The following MYO15B variants were observed in gnomAD, a reference collection of about 807,000 sequenced individuals.
The protein encoded by MYO15B is myosin XVB pseudogene.
Under a neutral mutation model 119.3 loss-of-function variants are expected in MYO15B, and 207 were observed. The ratio of observed to expected loss-of-function variants is 1.73; its 90% confidence interval spans 1.55 to 1.95. MYO15B has a LOEUF of 1.95. Ranked by LOEUF, MYO15B falls within the 30% of genes most tolerant of loss-of-function variation. The pLI is 0.00. For missense variants in MYO15B, 2,264 were observed against 1,203.1 expected (o/e 1.88, Z -13.04); for synonymous variants, 966 against 498.9 (o/e 1.94, Z -12.48).
intron 29 of MYO15B, 24 bp downstream of exon 29, chr17:75,613,801 C>T (rs1340699151): frequency 1.4e-6 from 1 of 693,740 alleles, no homozygotes; most frequent in South Asian, 1.5e-5. Context: ...GGATGGGGGA[C>T]AGTGTGGCCA....
Position 75,589,202 on chromosome 17 carries a change from GGCGGCTGCGGCT to G in MYO15B, c.1151_1162del (p.Leu384_Arg387del), listed in dbSNP as rs949370567. On this transcript the variant is annotated inframe_deletion, in exon 1 of 64. Transcript: ENST00000645453. This position sits in a 1 kb window ranked among gnomAD's most constrained non-coding sequence, Gnocchi z 4.2. ...CTGGGCCTCCTGCGCTGGCTGCGGC[GGCGGCTGCGGCT>G]GCGGCGGCGGCCGCCAGAGGGCGAG... 1.8e-5 allele frequency: 6 copies of G among 330,146 alleles called. No homozygotes were observed. Among genetic ancestry groups the G allele is most frequent in the African/African-American group, 2.8e-5 (1 of 36,098 alleles). The allele number at this position is 330,146 out of a possible 1,614,324, so 20.5% of individuals were successfully genotyped here. A position where few individuals can be genotyped will look rare whatever the true frequency, so the allele number is the denominator to read the frequency against.
rs2056491893 is a variant in MYO15B at position 75,591,970 on chromosome 17, T to A, written c.2548-7T>A. On this transcript the variant is annotated splice_polypyrimidine_tract_variant and splice_region_variant and intron_variant, in intron 5 of 63. Coordinates refer to ENST00000645453, the Ensembl canonical transcript of MYO15B. Reference sequence around the variant, plus strand: ...CCAGGGATGCTTGAACACCCCTCCCTGTACAGGTGGAGGATATGCTGCCTA... The same window carrying A: ...CCAGGGATGCTTGAACACCCCTCCCAGTACAGGTGGAGGATATGCTGCCTA... 2.8e-6 allele frequency: 2 copies of A among 702,168 alleles called. No homozygotes were observed. Among genetic ancestry groups the A allele is most frequent in the Non-Finnish European group, 5.2e-6 (2 of 384,836 alleles). 43.5% of individuals were successfully genotyped at this position (702,168 alleles called of 1,614,324 possible).
intron 14 of MYO15B, among the ~76,000 whole-genome samples, chr17:75,598,114 C>A (rs930312102): frequency 2.0e-5 from 3 of 151,736 alleles, no homozygotes; most frequent in Middle Eastern, 3.4e-3. Flanking sequence ...GGCAACCCTC[C>A]CCCATTTTCC....
At chr17:75,604,412 G>A (rs983282156) in intron 19 of MYO15B, among the ~76,000 whole-genome samples, 3 of 151,544 alleles carry the variant, frequency 2.0e-5, no homozygotes, top group African/African-American at 7.3e-5. Flanking sequence ...AGCCAAACTG[G>A]TACCACCATC....
intron 14 of MYO15B, among the ~76,000 whole-genome samples, chr17:75,597,435 G>A (rs114661305): frequency 2.0e-5 from 3 of 152,312 alleles, no homozygotes; most frequent in Non-Finnish European, 2.9e-5. Context: ...ACTCCTTACC[G>A]CGCCAGACTG....
At chr17:75,620,497 C>T in exon 49 of MYO15B, 1 of 702,772 alleles carries the variant, frequency 1.4e-6, no homozygotes, top group African/African-American at 1.7e-5. Flanking sequence ...GGGGGCCGTT[C>T]CGGACTCTTT....
chr17:75,624,033 C>CAA lies in MYO15B; in HGVS notation c.8242_8243dup (p.Phe2749SerfsTer38). On this transcript the variant is annotated frameshift_variant, in exon 55 of 64. Transcript: ENST00000645453. LOFTEE classifies it high-confidence loss of function. ...CGACCAGGCTGATGCCCTACCTGAC[C>CAA]AAGTTTCTGCAGGATTCAGGCCCCA... is the stretch of plus-strand genomic sequence containing the variant. 1 of 703,006 alleles carries CAA rather than the reference C, an allele frequency of 1.4e-6. No individual in the cohort carries two copies. The highest frequency in any genetic ancestry group is 2.6e-6 in the Non-Finnish European group (1 of 385,004). 43.5% of individuals were successfully genotyped at this position (703,006 alleles called of 1,614,324 possible).
At chr17:75,617,462 G>A (rs892366720) in intron 41 of MYO15B, 158 bp downstream of exon 41, 2 of 558,062 alleles carry the variant, frequency 3.6e-6, no homozygotes, top group African/African-American at 3.8e-5. Flanking sequence ...GGGAGTCCCA[G>A]CTTCCGCGTT....
At chr17:75,617,511 A>G (rs2058446401) in intron 41 of MYO15B, 1 of 554,540 alleles carries the variant, frequency 1.8e-6, no homozygotes, top group Non-Finnish European at 3.2e-6. Context: ...TGGGGCTGTC[A>G]TCGAGAGGCT....
At position 75,602,314 on chromosome 17, in the gene MYO15B, T is replaced by A. The variant is rs527665808; in HGVS notation, c.3652-203T>A. 2.5e-5 allele frequency: 17 copies of A among 688,038 alleles called. No homozygotes were observed. In the East Asian group the frequency reaches 4.6e-4, roughly 19 times the overall value. 42.6% of individuals were successfully genotyped at this position (688,038 alleles called of 1,614,324 possible). On this transcript the variant is annotated intron_variant, in intron 15 of 63. Transcript: ENST00000645453. ...CCCAGTGGGGAGAGTGTGGTCTTGC[T>A]GGGGACTGGACCTGTCCATGGGGTG...
chr17:75,594,650 C>T, intron 10 of MYO15B, 51 bp from the exon 11 acceptor site: 2 of 700,546 alleles, frequency 2.9e-6, no homozygotes, highest in East Asian at 5.4e-5. Context: ...TGAGTAAGCA[C>T]CATGAGGGCT....
exon 12 of MYO15B, chr17:75,594,960 C>G (rs1424103397): frequency 2.0e-5 from 14 of 702,956 alleles, no homozygotes; most frequent in Non-Finnish European, 3.1e-5. Context: ...TCGTGGATGC[C>G]TACGGCTTTG....
At chr17:75,626,044 C>G in intron 62 of MYO15B, 44 bp from the exon 63 acceptor site, 1 of 697,886 alleles carries the variant, frequency 1.4e-6, no homozygotes, top group Non-Finnish European at 2.6e-6. Flanking sequence ...CCACAATGAC[C>G]CCTCCCCGGA....
At chr17:75,594,588 G>A (rs553735826) in exon 10 of MYO15B, 11 of 670,026 alleles carry the variant, frequency 1.6e-5, no homozygotes, top group Middle Eastern at 2.4e-4. Flanking sequence ...GGAGGGTCAC[G>A]GTGAGCCCGA....
At chr17:75,601,271 T>C (rs2057264317) in intron 14 of MYO15B, among the ~76,000 whole-genome samples, 167 bp from the exon 15 acceptor site, 1 of 152,122 alleles carries the variant, frequency 6.6e-6, no homozygotes. Context: ...ACTCCTATCC[T>C]CAAACGATCC....
chr17:75,613,603 C>G, intron 28 of MYO15B, 102 bp from the exon 29 acceptor site: 1 of 655,884 alleles, frequency 1.5e-6, no homozygotes, highest in South Asian at 1.7e-5. Context: ...TCCCCCTCCC[C>G]TCTGTCCTGC....
At chr17:75,625,355 A>C in intron 60 of MYO15B, 117 bp downstream of exon 60, 1 of 641,064 alleles carries the variant, frequency 1.6e-6, no homozygotes, top group East Asian at 2.7e-5. Context: ...GCCTGTGAAC[A>C]TCTGTCCTCT....
At chr17:75,618,031 A>C in intron 42 of MYO15B, 95 bp from the exon 43 acceptor site, 1 of 691,574 alleles carries the variant, frequency 1.4e-6, no homozygotes, top group Non-Finnish European at 2.7e-6. Context: ...ACAGCCCACC[A>C]TCTCAAGGCT....
exon 27 of MYO15B, chr17:75,613,030 C>T (rs1191012092): frequency 1.3e-5 from 9 of 699,886 alleles, no homozygotes; most frequent in Non-Finnish European, 1.8e-5. Flanking sequence ...AGATCATGGG[C>T]GCATACCTGG....
Sources: allele counts gnomAD v4.1 joint callset (sites outside exome capture counted in the v4.1 genomes callset), GRCh38; gene constraint gnomAD v4.1.1; non-coding constraint Gnocchi (gnomAD v3.1); transcripts MANE v1.5; gene names NCBI Gene and HGNC (gene_info 2026-07-23, HGNC 2026-07-21).